GPR155: variants seen among roughly 807,000 people sequenced by gnomAD.
GPR155 encodes the protein G protein-coupled receptor 155, also known as lysosomal cholesterol signaling protein.
GPR155 carries 65 observed loss-of-function variants against 93.1 expected under a neutral mutation model. The ratio of observed to expected loss-of-function variants is 0.70; its 90% confidence interval spans 0.57 to 0.86. The LOEUF (loss-of-function observed/expected upper bound fraction) is 0.86. Ranked by LOEUF, GPR155 falls within the 40% of genes least tolerant of loss-of-function variation. The probability of loss-of-function intolerance (pLI) is 0.00; values close to 1 mark genes in which losing one functional copy is unlikely to be tolerated. For synonymous variants in GPR155, 319 were observed against 360.1 expected (o/e 0.89, Z 1.29); for missense variants, 838 against 1,034.8 (o/e 0.81, Z 2.61).
chr2:174,466,831 T>C (rs1374725057), intron 5 of GPR155, among the ~76,000 whole-genome samples: 2 of 152,136 alleles, frequency 1.3e-5, no homozygotes, highest in Admixed American at 1.3e-4. Flanking sequence ...GATCCCATAA[T>C]AAATTAACTC....
chr2:174,468,051 TA>T (rs1243891176), intron 5 of GPR155, among the ~76,000 whole-genome samples: 1 of 152,208 alleles, frequency 6.6e-6, no homozygotes, highest in African/African-American at 2.4e-5. Context: ...CCTCATATTT[TA>T]AAGGATTGGG....
intron 2 of GPR155, among the ~76,000 whole-genome samples, chr2:174,476,673 C>G (rs1688176749): frequency 6.6e-6 from 1 of 152,076 alleles, no homozygotes; most frequent in East Asian, 1.9e-4. Context: ...ACAATTGGCC[C>G]CTTGCTTATC....
intron 12 of GPR155, among the ~76,000 whole-genome samples, chr2:174,446,000 T>C (rs763120184): frequency 5.3e-4 from 81 of 151,968 alleles, no homozygotes; most frequent in Non-Finnish European, 1.1e-3. Context: ...TGGCCCTGTG[T>C]ACATTATTGA....
At chr2:174,446,784 C>G in intron 11 of GPR155, 37 bp from the exon 12 acceptor site, 1 of 1,596,036 alleles carries the variant, frequency 6.3e-7, no homozygotes, top group Non-Finnish European at 8.6e-7. Flanking sequence ...GTAATCAGAG[C>G]TTTTTATCTA....
At chr2:174,450,459 C>T (rs1687286528) in intron 11 of GPR155, among the ~76,000 whole-genome samples, 1 of 152,074 alleles carries the variant, frequency 6.6e-6, no homozygotes, top group Admixed American at 6.6e-5. Context: ...TGCACACGTA[C>T]CCACTGAATC....
At chr2:174,455,798 A>T (rs547739665) in intron 10 of GPR155, among the ~76,000 whole-genome samples, 4 of 152,332 alleles carry the variant, frequency 2.6e-5, no homozygotes, top group Non-Finnish European at 2.9e-5. Flanking sequence ...ACCTTTGACA[A>T]AGAGAACAAG....
At position 174,454,219 on chromosome 2, in the gene GPR155, C is replaced by A. The variant is rs527339102; in HGVS notation, c.1772-378G>T. 1.2e-4 allele frequency among the ~76,000 whole-genome samples: 18 copies of A among 152,248 alleles called. No homozygotes were observed. In the South Asian group the frequency reaches 3.5e-3, roughly 30 times the overall value. The stretch of plus-strand genomic sequence containing the variant: ...GTGGCGCAATCTCGGCTCACTGCAA[C>A]CTCCGCCTCCTGGGTTCAAGCGATT... On this transcript the variant is annotated intron_variant, in intron 10 of 15. Transcript: ENST00000392552.
At chr2:174,449,911 G>A (rs924335769) in intron 11 of GPR155, among the ~76,000 whole-genome samples, 9 of 152,172 alleles carry the variant, frequency 5.9e-5, no homozygotes, top group Non-Finnish European at 1.0e-4. Context: ...GGGAGGCGGA[G>A]GTTGCAGTGA....
chr2:174,470,583 C>G (rs1483369386), intron 3 of GPR155, 28 bp from the exon 4 acceptor site: 1 of 1,601,106 alleles, frequency 6.2e-7, no homozygotes, highest in Non-Finnish European at 8.5e-7. Context: ...ACATCATTTA[C>G]CTGATATCAA....
chr2:174,432,027 G>C lies in GPR155; in HGVS notation c.*4089C>G, dbSNP rs1686656890. On this transcript the variant is annotated 3_prime_UTR_variant, in exon 16 of 16. Coordinates refer to ENST00000392552, the MANE Select transcript of GPR155 (RefSeq NM_152529.7). ...AGCTGTCACTCTACATATTGGAAATGATGAAATGTATGAAAAGGACTCAAT... is the reference window on the plus strand; with the variant it reads ...AGCTGTCACTCTACATATTGGAAATCATGAAATGTATGAAAAGGACTCAAT... The C allele has an allele frequency of 6.6e-6, 1 of 152,204 alleles. No individual in the cohort carries two copies. The highest frequency in any genetic ancestry group is 2.1e-4 in the South Asian group (1 of 4,828). 9.4% of individuals were successfully genotyped at this position (152,204 alleles called of 1,614,324 possible). A position where few individuals can be genotyped will look rare whatever the true frequency, so the allele number is the denominator to read the frequency against.
At chr2:174,477,631 T>C (rs1007326218) in intron 2 of GPR155, among the ~76,000 whole-genome samples, 1 of 152,200 alleles carries the variant, frequency 6.6e-6, no homozygotes. Context: ...TACATCTTTA[T>C]CTATAAATTG....
intron 2 of GPR155, among the ~76,000 whole-genome samples, chr2:174,480,211 C>G (rs1688280239): frequency 6.6e-6 from 1 of 152,144 alleles, no homozygotes. Context: ...CACCCTACCT[C>G]AAATAGCACC....
chr2:174,473,549 CAT>C (rs1415399850), intron 2 of GPR155, among the ~76,000 whole-genome samples, 185 bp from the exon 3 acceptor site: 1 of 152,034 alleles, frequency 6.6e-6, no homozygotes, highest in African/African-American at 2.4e-5. Flanking sequence ...TAATAAATAT[CAT>C]ATAGCTTATA....
intron 7 of GPR155, among the ~76,000 whole-genome samples, chr2:174,463,406 G>A (rs1240534609): frequency 6.6e-6 from 1 of 152,010 alleles, no homozygotes; most frequent in African/African-American, 2.4e-5. Flanking sequence ...TTACTATATT[G>A]CCCAGGCTAG....
chr2:174,481,728 C>CA lies in GPR155; in HGVS notation c.228dup (p.Val77CysfsTer18). ...AAAGCTGGAAGTGCAAATCTGGAGA[C>CA]AAAATTTCCTAGTCCTTTGGCCTGG... On this transcript the variant is annotated frameshift_variant, in exon 2 of 16. Transcript: ENST00000392552. LOFTEE classifies it high-confidence loss of function. 7 of 1,614,066 alleles carry CA rather than the reference C, an allele frequency of 4.3e-6. No homozygotes were observed. Among genetic ancestry groups the CA allele is most frequent in the Non-Finnish European group, 5.9e-6 (7 of 1,179,970 alleles).
At chr2:174,486,045 A>G (rs143321037) in intron 1 of GPR155, among the ~76,000 whole-genome samples, 1 of 152,236 alleles carries the variant, frequency 6.6e-6, no homozygotes, top group Non-Finnish European at 1.5e-5. Context: ...GACTAACTTC[A>G]TAGAGAAAGC....
intron 15 of GPR155, among the ~76,000 whole-genome samples, chr2:174,437,803 C>T (rs372089224): frequency 4.0e-5 from 6 of 151,458 alleles, no homozygotes; most frequent in Non-Finnish European, 8.8e-5. Flanking sequence ...AGGCTGGTCT[C>T]GAACTCCCGA....
intron 5 of GPR155, among the ~76,000 whole-genome samples, chr2:174,467,676 A>G (rs1687878877): frequency 6.6e-6 from 1 of 152,174 alleles, no homozygotes; most frequent in South Asian, 2.1e-4. Flanking sequence ...GGGTATCTAA[A>G]TGCCAGGCTG....
At chr2:174,446,515 G>A in intron 12 of GPR155, 96 bp downstream of exon 12, 2 of 1,157,208 alleles carry the variant, frequency 1.7e-6, no homozygotes, top group South Asian at 1.4e-5. Context: ...CACACTTCTG[G>A]AAAGCAGCAA....
Sources: allele counts gnomAD v4.1 joint callset (sites outside exome capture counted in the v4.1 genomes callset), GRCh38; gene constraint gnomAD v4.1.1; transcripts MANE v1.5; gene names NCBI Gene and HGNC (gene_info 2026-07-23, HGNC 2026-07-21).